Variants in ACOT11 observed in about 807,000 individuals in gnomAD.
ACOT11 encodes the protein acyl-coenzyme A thioesterase 11.
ACOT11 carries 69 observed loss-of-function variants against 77.5 expected under a neutral mutation model. The observed-to-expected ratio is 0.89, with a 90% CI of 0.73 to 1.09. The LOEUF is 1.09. Ranked by LOEUF, ACOT11 falls within the 50% of genes least tolerant of loss-of-function variation. ACOT11 has a pLI of 0.00. For missense variants in ACOT11, 766 were observed against 813.7 expected, an observed-to-expected ratio of 0.94 and a Z score of 0.71; for synonymous variants, 279 against 313.0, an observed-to-expected ratio of 0.89 and a Z score of 1.15.
chr1:54,612,607 T>C (rs1458732533), downstream of ACOT11: 3 of 1,614,070 alleles, frequency 1.9e-6, no homozygotes, highest in East Asian at 2.2e-5. Context: ...TTCTCCACCA[T>C]GGCTTGGGTG....
intron 1 of ACOT11, among the ~76,000 whole-genome samples, chr1:54,554,349 A>ATTT (rs1305967505): frequency 1.3e-4 from 10 of 79,102 alleles, no homozygotes; most frequent in Admixed American, 2.8e-4. Flanking sequence ...ATATATATAT[A>ATTT]TATTTTTTTT....
In ACOT11 at chr1:54,609,756, A is replaced by G; in HGVS notation, c.*644A>G. 1 of 1,614,174 alleles carries G rather than the reference A, an allele frequency of 6.2e-7. No homozygotes were observed. Among genetic ancestry groups the G allele is most frequent in the Non-Finnish European group, 8.5e-7 (1 of 1,180,022 alleles). Reference sequence around the variant, plus strand: ...GAGAGGCGTGCCAGCAAGGCCAGGGATGGCCGGAGGGCTGCGGGCTCCGCT... The same window carrying G: ...GAGAGGCGTGCCAGCAAGGCCAGGGGTGGCCGGAGGGCTGCGGGCTCCGCT... On this transcript the variant is annotated 3_prime_UTR_variant, in exon 16 of 16. Transcript: ENST00000343744.
At chr1:54,614,939 G>GGT (rs71045199), downstream of ACOT11, 471 of 1,205,628 alleles carry the variant, frequency 3.9e-4, no homozygotes, top group Admixed American at 5.5e-4. Context: ...AAGCAGAGCG[G>GGT]GTGTGTGTGT....
chr1:54,548,384 T>C, intron 1 of ACOT11, 42 bp downstream of exon 1: 1 of 1,583,250 alleles, frequency 6.3e-7, no homozygotes, highest in Non-Finnish European at 8.6e-7. Context: ...CTCTGGAAGC[T>C]GGGCACCCAG....
chr1:54,624,322 G>C (rs1312681091), intron 15 of ACOT11, among the ~76,000 whole-genome samples: 1 of 151,434 alleles, frequency 6.6e-6, no homozygotes, highest in South Asian at 2.1e-4. Context: ...GTGTGAAAGG[G>C]TGTCTAGAAT....
intron 1 of ACOT11, among the ~76,000 whole-genome samples, chr1:54,563,307 C>T (rs1335469777): frequency 6.6e-6 from 1 of 152,180 alleles, no homozygotes; most frequent in African/African-American, 2.4e-5. Flanking sequence ...GGAGAGGCAG[C>T]CCAGTGAGTA....
In ACOT11 at chr1:54,620,101, G is replaced by C; in HGVS notation, c.1630-10633G>C. The C allele has an allele frequency of 2.2e-6, 3 of 1,360,464 alleles. No homozygotes were observed. In the South Asian group the frequency reaches 4.0e-5, roughly 18 times the overall value. The allele number at this position is 1,360,464 out of a possible 1,614,324, so 84.3% of individuals were successfully genotyped here. On this transcript the variant is annotated intron_variant, in intron 15 of 16. Transcript: ENST00000371316. ...CCATGACCCTCCCTGGGCTCCCACTGTGTCCAGTACCCCATCTGGCAGAGG... is the reference window on the plus strand; with the variant it reads ...CCATGACCCTCCCTGGGCTCCCACTCTGTCCAGTACCCCATCTGGCAGAGG...
Position 54,607,201 on chromosome 1 carries a change from G to A in ACOT11, c.1438G>A (p.Gly480Arg), listed in dbSNP as rs750144265. Residue 480 changes from glycine (G) to arginine (R), a missense_variant, in exon 14 of 16, where the codon GGA becomes AGA. Physicochemically the swap from Gly to Arg is moderately radical, Grantham distance 125. Coordinates refer to ENST00000343744, the MANE Select transcript of ACOT11 (RefSeq NM_147161.4). The surrounding 1 kb of genome is among the most constrained non-coding windows in gnomAD (Gnocchi z 4.5). ...AIYHVTSPAL[G>R]GHTKPQDFVI... is the part of the protein sequence containing the mutation. ...CTACCACGTCACCAGCCCTGCCCTC[G>A]GAGGTCACACAAAGCCCCAGGACTT... The A allele has an allele frequency of 6.2e-6, 10 of 1,614,202 alleles. No individual in the cohort carries two copies. The highest frequency in any genetic ancestry group is 2.2e-5 in the South Asian group (2 of 91,086).
At chr1:54,565,640 C>A (rs537696) in intron 1 of ACOT11, among the ~76,000 whole-genome samples, 16,807 of 152,126 alleles carry the variant, frequency 0.11, 1,084 homozygotes, top group East Asian at 0.17. Context: ...AAGAACGAGA[C>A]CTGGCATACA....
Position 54,616,211 on chromosome 1 carries a change from A to C in ACOT11, c.1629+8143A>C. ...AACAACTCAGTGAGTTCCTTTTTTTAAAAAAAGAAAACTTCTTTCTCATCA... is the reference window on the plus strand; with the variant it reads ...AACAACTCAGTGAGTTCCTTTTTTTCAAAAAAGAAAACTTCTTTCTCATCA... On this transcript the variant is annotated intron_variant, in intron 15 of 16. Coordinates refer to the ACOT11 transcript ENST00000371316. 1.9e-6 allele frequency: 3 copies of C among 1,551,592 alleles called. No homozygotes were observed. In the South Asian group the frequency reaches 3.6e-5, roughly 18 times the overall value.
chr1:54,563,225 G>A (rs1045552153), intron 1 of ACOT11, among the ~76,000 whole-genome samples: 1 of 152,256 alleles, frequency 6.6e-6, no homozygotes, highest in Non-Finnish European at 1.5e-5. Flanking sequence ...GGCCTCAAGT[G>A]ATCCTTCTGC....
At chr1:54,592,908 C>G (rs764913447) in intron 4 of ACOT11, among the ~76,000 whole-genome samples, 1 of 152,212 alleles carries the variant, frequency 6.6e-6, no homozygotes, top group Admixed American at 6.5e-5. Flanking sequence ...CCAGCCTCAG[C>G]AGCCAGGTTT....
Position 54,607,864 on chromosome 1 carries a change from G to A in ACOT11, c.1503-78G>A, listed in dbSNP as rs1271881202. On this transcript the variant is annotated intron_variant, in intron 14 of 15. Transcript: ENST00000343744. The surrounding 1 kb of genome is among the most constrained non-coding windows in gnomAD (Gnocchi z 4.5). ...TCTGTGCTAGAGGGGGCAGGGTCTC[G>A]GCCTTGGTTGGGCAGAACAGGCCCC... is the stretch of plus-strand genomic sequence containing the variant. 1.3e-5 allele frequency: 21 copies of A among 1,576,748 alleles called. No homozygotes were observed. Among genetic ancestry groups the A allele is most frequent in the East Asian group, 6.8e-5 (3 of 44,426 alleles).
At chr1:54,634,638 A>C (rs1267631995) in intron 16 of ACOT11, 1 of 697,682 alleles carries the variant, frequency 1.4e-6, no homozygotes, top group Admixed American at 2.0e-5. Context: ...AAAGTTGGGA[A>C]ATAGGTAAAA....
At chr1:54,551,954 CT>C (rs1406120873) in intron 1 of ACOT11, among the ~76,000 whole-genome samples, 2 of 152,064 alleles carry the variant, frequency 1.3e-5, no homozygotes, top group African/African-American at 4.8e-5. Context: ...TGCAATCCTA[CT>C]GTTTTACCTT....
intron 1 of ACOT11, among the ~76,000 whole-genome samples, chr1:54,552,705 T>C (rs1426868422): frequency 1.3e-5 from 2 of 152,200 alleles, no homozygotes; most frequent in African/African-American, 4.8e-5. Flanking sequence ...CAGGCTGGTC[T>C]TGAACTCCTG....
In ACOT11 at chr1:54,582,749, C is replaced by T. The variant is rs116597155; in HGVS notation, c.34-1906C>T. Among the ~76,000 whole-genome samples the T allele has an allele frequency of 1.5e-3, 222 of 152,226 alleles. 1 individual carries two copies. Among genetic ancestry groups the T allele is most frequent in the African/African-American group, 5.0e-3 (208 of 41,548 alleles). On this transcript the variant is annotated intron_variant, in intron 1 of 15. Transcript: ENST00000343744. ...GGCGGACGTGCCCAGGCTGGTAAAG[C>T]GGGGGTGCTGTGTGTCGGCGTCCCT...
In ACOT11 at chr1:54,610,277, G is replaced by A; in HGVS notation, c.*1165G>A. 6.6e-7 allele frequency: 1 copy of A among 1,503,940 alleles called. No individual in the cohort carries two copies. The allele number at this position is 1,503,940 out of a possible 1,614,324, so 93.2% of individuals were successfully genotyped here. ...ACTCCCTCTCCCTCCCCGCAACCCT[G>A]CCCCACCTTGCATCCAGGGTATGGT... On this transcript the variant is annotated 3_prime_UTR_variant, in exon 16 of 16. Coordinates refer to ENST00000343744, the MANE Select transcript of ACOT11 (RefSeq NM_147161.4).
chr1:54,592,651 C>T, intron 4 of ACOT11, 45 bp downstream of exon 4: 1 of 1,585,520 alleles, frequency 6.3e-7, no homozygotes, highest in Non-Finnish European at 8.6e-7. Flanking sequence ...GTGGGTGGGT[C>T]CTCTACCTCC....
Sources: gnomAD v4.1 joint callset for allele counts (sites outside exome capture counted in the v4.1 genomes callset) on GRCh38, gnomAD v4.1.1 for gene constraint, Gnocchi (gnomAD v3.1) non-coding constraint, MANE v1.5 for transcripts, NCBI Gene and HGNC (gene_info 2026-07-23, HGNC 2026-07-21) for gene names.